The following ERC2 variants were observed in gnomAD, a reference collection of about 807,000 sequenced individuals.
The protein encoded by ERC2 is ERC protein 2.
Under a neutral mutation model 114.8 loss-of-function variants are expected in ERC2, and 42 were observed. The ratio of observed to expected loss-of-function variants is 0.37; its 90% CI spans 0.29 to 0.47. The LOEUF (loss-of-function observed/expected upper bound fraction) is 0.47. Ranked by LOEUF, ERC2 falls within the 20% of genes least tolerant of loss-of-function variation. The pLI, the probability that ERC2 is intolerant of heterozygous loss-of-function variation, is 0.99. For synonymous variants in ERC2, 454 were observed against 425.5 expected, an observed-to-expected ratio of 1.07 and a Z score of -0.82; for missense variants, 939 against 1,150.7, an observed-to-expected ratio of 0.82 and a Z score of 2.66.
At chr3:56,076,147 C>T (rs1166901664) in intron 7 of ERC2, among the ~76,000 whole-genome samples, 2 of 152,190 alleles carry the variant, frequency 1.3e-5, no homozygotes, top group South Asian at 4.1e-4. Flanking sequence ...AGCCAGTGGA[C>T]TTGGCTTCCA....
chr3:55,640,507 C>T (rs2060132158), intron 17 of ERC2, among the ~76,000 whole-genome samples: 1 of 152,196 alleles, frequency 6.6e-6, no homozygotes, highest in Admixed American at 6.5e-5. Flanking sequence ...TGCCATGTAG[C>T]AGGTGACCTG....
At chr3:55,838,506 T>G (rs975592512) in intron 14 of ERC2, among the ~76,000 whole-genome samples, 1 of 151,970 alleles carries the variant, frequency 6.6e-6, no homozygotes, top group African/African-American at 2.4e-5. Context: ...TATTTTGAAC[T>G]GAATGAAAAC....
chr3:56,018,799 G>T, intron 8 of ERC2, 95 bp downstream of exon 8: 1 of 1,388,754 alleles, frequency 7.2e-7, no homozygotes, highest in Non-Finnish European at 9.9e-7. Flanking sequence ...GTTAGCAAAA[G>T]AAGAAAAGCA....
intron 2 of ERC2, among the ~76,000 whole-genome samples, chr3:56,314,491 G>T (rs1055352352): frequency 9.3e-6 from 1 of 107,632 alleles, no homozygotes; most frequent in African/African-American, 3.7e-5. Context: ...AGGTGAAACT[G>T]CAATTCCAGT....
intron 3 of ERC2, among the ~76,000 whole-genome samples, chr3:56,254,460 G>A (rs2052383358): frequency 6.6e-6 from 1 of 152,116 alleles, no homozygotes; most frequent in Non-Finnish European, 1.5e-5. Flanking sequence ...GCACATTAGG[G>A]ACAGCAGATT....
intron 14 of ERC2, among the ~76,000 whole-genome samples, chr3:55,876,981 A>G (rs2062880117): frequency 6.6e-6 from 1 of 152,216 alleles, no homozygotes; most frequent in African/African-American, 2.4e-5. Context: ...GCTGAACAGG[A>G]AAATATATCC....
chr3:55,966,758 C>T (rs1325922760), intron 12 of ERC2, among the ~76,000 whole-genome samples: 2 of 152,086 alleles, frequency 1.3e-5, no homozygotes. Context: ...GATAATCCTA[C>T]CACCAAAAAG....
chr3:55,516,230 G>C (rs2052490148), intron 17 of ERC2, among the ~76,000 whole-genome samples: 1 of 146,332 alleles, frequency 6.8e-6, no homozygotes. Context: ...AAACCCAATA[G>C]AGTCGTTTCT....
At chr3:56,340,984 G>A (rs140305095) in intron 2 of ERC2, among the ~76,000 whole-genome samples, 226 of 152,172 alleles carry the variant, frequency 1.5e-3, no homozygotes, top group African/African-American at 4.7e-3. Context: ...TCTTTGGGGG[G>A]GAAAAAATCC....
chr3:56,299,127 T>TG (rs1268406273), intron 2 of ERC2, among the ~76,000 whole-genome samples: 1 of 110,828 alleles, frequency 9.0e-6, no homozygotes, highest in African/African-American at 3.3e-5. Flanking sequence ...TTGTTTTTTT[T>TG]TTTGTTTGTT....
chr3:55,550,996 AC>A (rs1160644609), intron 17 of ERC2, among the ~76,000 whole-genome samples: 1 of 150,518 alleles, frequency 6.6e-6, no homozygotes, highest in Non-Finnish European at 1.5e-5. Context: ...AGCCTGGGTG[AC>A]AAAGCAAGAC....
chr3:56,011,120 T>G (rs17056364), intron 8 of ERC2, among the ~76,000 whole-genome samples: 5,934 of 152,316 alleles, frequency 0.039, 252 homozygotes, highest in African/African-American at 0.11. Flanking sequence ...TTGTGAGAAC[T>G]TGAGACAAAG....
Position 55,856,285 on chromosome 3 carries a change from G to T in ERC2, c.2564+32104C>A, listed in dbSNP as rs146495418. On this transcript the variant is annotated intron_variant, in intron 14 of 17. Transcript: ENST00000288221. Reference sequence around the variant, plus strand: ...GCTCTCTTGCTTGAGTGATCGATCTGCTAGGGCATATTCCACCCAGAGAAG... The same window carrying T: ...GCTCTCTTGCTTGAGTGATCGATCTTCTAGGGCATATTCCACCCAGAGAAG... Among the ~76,000 whole-genome samples, 44 of 152,292 alleles carry T rather than the reference G, an allele frequency of 2.9e-4. No individual in the cohort carries two copies. In the East Asian group the frequency reaches 8.1e-3, roughly 28 times the overall value.
At chr3:56,291,316 C>A (rs750585044) in intron 3 of ERC2, among the ~76,000 whole-genome samples, 1 of 152,180 alleles carries the variant, frequency 6.6e-6, no homozygotes, top group African/African-American at 2.4e-5. Context: ...TTCGGCCAAC[C>A]CTTTGGCTCA....
At chr3:56,003,599 G>A (rs1372432946) in intron 10 of ERC2, among the ~76,000 whole-genome samples, 5 of 151,834 alleles carry the variant, frequency 3.3e-5, no homozygotes, top group Admixed American at 2.6e-4. Flanking sequence ...TTTTCTATTC[G>A]GTCTATCTTC....
At chr3:55,853,768 C>A (rs542890798) in intron 14 of ERC2, among the ~76,000 whole-genome samples, 1 of 152,000 alleles carries the variant, frequency 6.6e-6, no homozygotes, top group Non-Finnish European at 1.5e-5. Context: ...AGAGGAGGAA[C>A]GTGCAGTTAT....
At chr3:56,361,817 T>C (rs911699013) in intron 2 of ERC2, among the ~76,000 whole-genome samples, 5 of 152,076 alleles carry the variant, frequency 3.3e-5, no homozygotes, top group African/African-American at 1.2e-4. Context: ...GGGAGATGCA[T>C]CGTAAATCAT....
intron 2 of ERC2, among the ~76,000 whole-genome samples, chr3:56,349,203 G>A (rs1032891214): frequency 2.0e-5 from 3 of 152,112 alleles, no homozygotes; most frequent in Non-Finnish European, 4.4e-5. Context: ...AATAGAGCAG[G>A]CCTGGTGTAC....
At chr3:55,820,743 CAAG>C (rs758671397) in intron 14 of ERC2, among the ~76,000 whole-genome samples, 1 of 152,174 alleles carries the variant, frequency 6.6e-6, no homozygotes, top group Non-Finnish European at 1.5e-5. Flanking sequence ...AATGTTCAAA[CAAG>C]AAGATGGAAT....
Sources: allele counts gnomAD v4.1 joint callset (sites outside exome capture counted in the v4.1 genomes callset), GRCh38; gene constraint gnomAD v4.1.1; transcripts MANE v1.5; gene names NCBI Gene and HGNC (gene_info 2026-07-23, HGNC 2026-07-21).